Variants in HHAT observed in about 807,000 individuals in gnomAD.
HHAT encodes the protein hedgehog acyltransferase.
In HHAT, 47 loss-of-function variants were observed where a neutral mutation model predicts 70.8. That is an observed-to-expected ratio of 0.66 (90% CI 0.53 to 0.85). HHAT has a LOEUF of 0.85. Ranked by LOEUF, HHAT falls within the 40% of genes least tolerant of loss-of-function variation. The pLI is 0.00. For synonymous variants in HHAT, 228 were observed against 247.6 expected (o/e 0.92, Z 0.74); for missense variants, 609 against 604.8 (o/e 1.01, Z -0.07).
At chr1:210,531,304 G>A (rs2148634314) in intron 9 of HHAT, among the ~76,000 whole-genome samples, 1 of 152,356 alleles carries the variant, frequency 6.6e-6, no homozygotes, top group African/African-American at 2.4e-5. Context: ...ATTAAAGTGT[G>A]AGTGTGTGTT....
chr1:210,506,336 G>A (rs2094854015), intron 8 of HHAT, among the ~76,000 whole-genome samples: 1 of 152,158 alleles, frequency 6.6e-6, no homozygotes. Flanking sequence ...GCCTGAAAGT[G>A]CCTGAAACAC....
At chr1:210,429,037 A>G (rs2093164150) in intron 7 of HHAT, among the ~76,000 whole-genome samples, 1 of 151,842 alleles carries the variant, frequency 6.6e-6, no homozygotes, top group Non-Finnish European at 1.5e-5. Flanking sequence ...TAGATTAAAG[A>G]GGTTAATTAT....
chr1:210,459,579 C>G (rs1338604665), intron 7 of HHAT, among the ~76,000 whole-genome samples: 1 of 151,908 alleles, frequency 6.6e-6, no homozygotes, highest in African/African-American at 2.4e-5. Flanking sequence ...TGATGAGAGC[C>G]CAAGAGGAAG....
chr1:210,655,477 G>T (rs1676194025), intron 11 of HHAT, among the ~76,000 whole-genome samples: 1 of 152,160 alleles, frequency 6.6e-6, no homozygotes, highest in South Asian at 2.1e-4. Context: ...GGAAATTTAG[G>T]CAGCCCAGTG....
At chr1:210,451,360 T>C (rs2093753762) in intron 7 of HHAT, among the ~76,000 whole-genome samples, 1 of 152,206 alleles carries the variant, frequency 6.6e-6, no homozygotes, top group Non-Finnish European at 1.5e-5. Context: ...TGTTCTCTTT[T>C]TGGATAACTC....
At chr1:210,576,357 C>T (rs770164059) in intron 9 of HHAT, among the ~76,000 whole-genome samples, 3 of 151,972 alleles carry the variant, frequency 2.0e-5, no homozygotes, top group Non-Finnish European at 4.4e-5. Flanking sequence ...CATATGCATG[C>T]ACCCATGAAA....
intron 9 of HHAT, among the ~76,000 whole-genome samples, chr1:210,579,676 G>A (rs1351096592): frequency 2.0e-5 from 3 of 152,220 alleles, no homozygotes; most frequent in Non-Finnish European, 4.4e-5. Flanking sequence ...GTTGGTGAGT[G>A]GCAGAGCAGG....
intron 11 of HHAT, among the ~76,000 whole-genome samples, chr1:210,626,401 G>A (rs1669843496): frequency 6.6e-6 from 1 of 152,150 alleles, no homozygotes. Flanking sequence ...TTCTATAAAA[G>A]TGGAGGGCTC....
In HHAT at chr1:210,464,411, C is replaced by T. The variant is rs927714585; in HGVS notation, c.857-94C>T. 121 of 1,202,156 alleles carry T rather than the reference C, an allele frequency of 1.0e-4. 2 individuals are homozygous for T. In the South Asian group the frequency reaches 1.3e-3, roughly 13 times the overall value. The allele number at this position is 1,202,156 out of a possible 1,614,324, so 74.5% of individuals were successfully genotyped here. A position where few individuals can be genotyped will look rare whatever the true frequency, so the allele number is the denominator to read the frequency against. The stretch of plus-strand genomic sequence containing the variant: ...AGGGAGGAAGGGGTGTGGGGAGAAG[C>T]GGGGCAGTTGGCATAGCTCCTGGGG... On this transcript the variant is annotated intron_variant, in intron 7 of 11. Coordinates refer to ENST00000261458, the MANE Select transcript of HHAT (RefSeq NM_018194.6).
At chr1:210,580,035 T>C (rs1658869826) in intron 9 of HHAT, among the ~76,000 whole-genome samples, 1 of 152,258 alleles carries the variant, frequency 6.6e-6, no homozygotes, top group African/African-American at 2.4e-5. Context: ...GTAGGCTAAA[T>C]ATAGCTTGAA....
chr1:210,517,271 AT>A (rs1334332147), intron 9 of HHAT, among the ~76,000 whole-genome samples: 2 of 152,120 alleles, frequency 1.3e-5, no homozygotes, highest in Admixed American at 1.3e-4. Context: ...TGACTGAGGC[AT>A]TTTTCTTTTA....
intron 4 of HHAT, among the ~76,000 whole-genome samples, chr1:210,399,864 T>C (rs541532102): frequency 2.0e-5 from 3 of 152,242 alleles, no homozygotes; most frequent in African/African-American, 7.2e-5. Flanking sequence ...CTATGCAAAG[T>C]CCTCAATAGC....
chr1:210,550,897 A>G (rs1309366137), intron 9 of HHAT, among the ~76,000 whole-genome samples: 5 of 132,156 alleles, frequency 3.8e-5, no homozygotes, highest in African/African-American at 1.4e-4. Context: ...TGAACTCTTG[A>G]CCTTAAGTGA....
chr1:210,451,572 TTTTATA>T (rs575873833), intron 7 of HHAT, among the ~76,000 whole-genome samples: 149 of 152,240 alleles, frequency 9.8e-4, no homozygotes, highest in African/African-American at 3.1e-3. Context: ...TGAAATATCT[TTTTATA>T]TTTATATTTA....
chr1:210,438,376 C>T (rs1558516982), intron 7 of HHAT, among the ~76,000 whole-genome samples: 1 of 151,728 alleles, frequency 6.6e-6, no homozygotes, highest in Non-Finnish European at 1.5e-5. Flanking sequence ...TACATATCAC[C>T]TCCAAATTCC....
At chr1:210,406,819 C>T (rs2092349319) in intron 6 of HHAT, among the ~76,000 whole-genome samples, 1 of 152,186 alleles carries the variant, frequency 6.6e-6, no homozygotes, top group Non-Finnish European at 1.5e-5. Context: ...TCTCTTGAGT[C>T]TCATTCTGGG....
At chr1:210,565,866 C>T (rs1023729345) in intron 9 of HHAT, among the ~76,000 whole-genome samples, 5 of 152,126 alleles carry the variant, frequency 3.3e-5, no homozygotes, top group Non-Finnish European at 7.3e-5. Context: ...CCGCTAAGAG[C>T]GTGGAGGTAT....
At chr1:210,382,238 G>A (rs910954192) in intron 3 of HHAT, among the ~76,000 whole-genome samples, 1 of 152,160 alleles carries the variant, frequency 6.6e-6, no homozygotes, top group Admixed American at 6.5e-5. Context: ...AAGAGGGGAC[G>A]ACCCCTTCTC....
At chr1:210,443,147 A>G (rs942770435) in intron 7 of HHAT, among the ~76,000 whole-genome samples, 6 of 151,716 alleles carry the variant, frequency 4.0e-5, no homozygotes, top group Non-Finnish European at 7.4e-5. Flanking sequence ...CAAAGATCAG[A>G]TAGTTGTAGA....
Sources: allele counts gnomAD v4.1 joint callset (sites outside exome capture counted in the v4.1 genomes callset), GRCh38; gene constraint gnomAD v4.1.1; transcripts MANE v1.5; gene names NCBI Gene and HGNC (gene_info 2026-07-23, HGNC 2026-07-21).